The following AFDN variants were observed in gnomAD, a reference collection of about 807,000 sequenced individuals.
The protein encoded by AFDN is afadin.
AFDN carries 68 observed loss-of-function variants against 216.6 expected under a neutral mutation model. The ratio of observed to expected loss-of-function variants is 0.31; its 90% CI spans 0.26 to 0.38. The LOEUF is 0.38. Among genes scored for constraint, AFDN ranks in the 10% least tolerant of loss-of-function variants. The pLI is 1.00. For missense variants in AFDN, 2,136 were observed against 2,342.0 expected (o/e 0.91, Z 1.82); for synonymous variants, 868 against 853.7 (o/e 1.02, Z -0.29).
At chr6:167,946,255 A>G (rs1303415630) in intron 26 of AFDN, among the ~76,000 whole-genome samples, 1 of 152,226 alleles carries the variant, frequency 6.6e-6, no homozygotes, top group Non-Finnish European at 1.5e-5. Context: ...TAGATGATAA[A>G]CCAGGGTGAG....
rs886849305 is a variant in AFDN, at chr6:167,848,981, C to T, written c.106-15570C>T. On this transcript the variant is annotated intron_variant, in intron 1 of 33. Coordinates refer to ENST00000683244, the MANE Select transcript of AFDN (RefSeq NM_001386888.1). ...TATACAGCAGGATGAGACGCAGTGC[C>T]GCATAGTGGTTGAAAGTGACTTGTT... Among the ~76,000 whole-genome samples the T allele has an allele frequency of 5.9e-5, 9 of 152,230 alleles. 1 individual carries two copies. Among genetic ancestry groups the T allele is most frequent in the Middle Eastern group, 3.4e-3 (1 of 294 alleles).
intron 12 of AFDN, 55 bp downstream of exon 12, chr6:167,902,441 T>A: frequency 7.7e-7 from 1 of 1,293,184 alleles, no homozygotes; most frequent in Non-Finnish European, 1.1e-6. Context: ...ACACCATGGA[T>A]GAATACAGTA....
intron 1 of AFDN, among the ~76,000 whole-genome samples, chr6:167,850,577 A>G (rs956758812): frequency 5.9e-5 from 9 of 152,208 alleles, no homozygotes; most frequent in African/African-American, 2.2e-4. Context: ...ATGCTGATCT[A>G]CCAATGTTCA....
intron 19 of AFDN, among the ~76,000 whole-genome samples, chr6:167,916,415 A>G (rs1304894300): frequency 6.6e-6 from 1 of 152,216 alleles, no homozygotes; most frequent in Non-Finnish European, 1.5e-5. Flanking sequence ...TGGACTGTAA[A>G]TATCCTTAAA....
At position 167,868,963 on chromosome 6, in the gene AFDN, A is replaced by G. The variant is rs532121567; in HGVS notation, c.302-1423A>G. Among the ~76,000 whole-genome samples, 41 of 151,314 alleles carry G rather than the reference A, an allele frequency of 2.7e-4. 1 individual carries two copies. The highest frequency in any genetic ancestry group is 8.7e-4 in the African/African-American group (36 of 41,240). On this transcript the variant is annotated intron_variant, in intron 2 of 33. Transcript: ENST00000683244. ...TCTTCTTTTTTTTTTTTCTGTGGAA[A>G]TCGGATCTTGCCATGTTGCCCAGGC...
Position 167,880,481 on chromosome 6 carries a change from G to A in AFDN, c.861G>A (p.Leu287=), listed in dbSNP as rs1468347585. ...CTGAAGCTTTAGAGAAGTATGGTCT[G>A]GAAAAAGAAAACCCTAAGGATTACT... The part of the protein sequence containing the change: ...AVAEALEKYG[L]EKENPKDYCI... The change falls in exon 6 of 34, where the codon CTG becomes CTA. Residue 287 remains leucine, a synonymous_variant. Transcript: ENST00000683244. The A allele has an allele frequency of 6.2e-7, 1 of 1,613,660 alleles. No homozygotes were observed. Among genetic ancestry groups the A allele is most frequent in the East Asian group, 2.2e-5 (1 of 44,834 alleles).
Position 167,844,903 on chromosome 6 carries a change from A to T in AFDN, c.105+17666A>T, listed in dbSNP as rs569177584. On this transcript the variant is annotated intron_variant, in intron 1 of 33. Transcript: ENST00000683244. ...GAGACAGGGTCTCACTCTGTCACTC[A>T]GGCTGGAGTGCAGTGGCGCGATCAT... is the stretch of plus-strand genomic sequence containing the variant. Among the ~76,000 whole-genome samples, 3 of 136,622 alleles carry T rather than the reference A, an allele frequency of 2.2e-5. No homozygotes were observed. The South Asian group carries it at 6.8e-4, about 31-fold the overall frequency. The allele number at this position is 136,622 out of a possible 152,430, so 89.6% of individuals were successfully genotyped here.
intron 2 of AFDN, among the ~76,000 whole-genome samples, chr6:167,868,060 G>A (rs1176910955): frequency 1.3e-5 from 2 of 152,104 alleles, no homozygotes; most frequent in Non-Finnish European, 2.9e-5. Flanking sequence ...AACAACCTGT[G>A]CTTATCCTTT....
chr6:167,914,455 G>A lies in AFDN; in HGVS notation c.2204+142G>A, dbSNP rs539989377. On this transcript the variant is annotated intron_variant, in intron 17 of 33. Transcript: ENST00000683244. ...AAAGAAGCATACATTTTTGCAAAAT[G>A]TATTAACTACCTATAGTTATATCCT... 9.6e-6 allele frequency: 10 copies of A among 1,036,996 alleles called. No individual in the cohort carries two copies. The East Asian group carries it at 1.3e-4, about 13-fold the overall frequency. 64.2% of individuals were successfully genotyped at this position (1,036,996 alleles called of 1,614,324 possible).
intron 4 of AFDN, among the ~76,000 whole-genome samples, chr6:167,872,864 C>G (rs1266025920): frequency 6.6e-6 from 1 of 152,262 alleles, no homozygotes; most frequent in East Asian, 1.9e-4. Context: ...CACACCAGTT[C>G]CATTGTAGAT....
intron 6 of AFDN, among the ~76,000 whole-genome samples, chr6:167,882,241 A>G (rs1583268835): frequency 6.6e-6 from 1 of 152,250 alleles, no homozygotes; most frequent in African/African-American, 2.4e-5. Context: ...TAAGCGATAG[A>G]GGGGGGAAAA....
chr6:167,835,973 A>C (rs1298180230), intron 1 of AFDN, among the ~76,000 whole-genome samples: 1 of 152,212 alleles, frequency 6.6e-6, no homozygotes, highest in Non-Finnish European at 1.5e-5. Context: ...TAAAATGTAA[A>C]CATAGGGCTC....
In AFDN at chr6:167,951,649, G is replaced by C. The variant is rs1273374909; in HGVS notation, c.4295G>C (p.Arg1432Pro). The part of the protein sequence containing the change: ...HQRWYEKEKA[R>P]LEEERERKRR... The stretch of plus-strand genomic sequence containing the variant: ...CGTTGGTATGAGAAGGAGAAGGCCC[G>C]CCTGGAGGAGGAGCGGGAGAGGAAG... Residue 1432 changes from arginine to proline, a missense_variant, in exon 30 of 34, where the codon CGC (arginine) becomes CCC (proline). Arg to Pro is a moderately radical substitution (Grantham distance 103). Transcript: ENST00000683244. This position sits in a 1 kb window ranked among gnomAD's most constrained non-coding sequence, Gnocchi z 7.1. The C allele has an allele frequency of 6.2e-7, 1 of 1,613,946 alleles. No individual in the cohort carries two copies. Among genetic ancestry groups the C allele is most frequent in the Admixed American group, 1.7e-5 (1 of 59,988 alleles).
At chr6:167,890,718 G>A (rs908961353) in intron 7 of AFDN, 144 bp from the exon 8 acceptor site, 11 of 626,052 alleles carry the variant, frequency 1.8e-5, no homozygotes, top group Admixed American at 7.0e-5. Flanking sequence ...TATGAATTGG[G>A]TAAGCTGTAC....
intron 4 of AFDN, among the ~76,000 whole-genome samples, chr6:167,874,651 T>C (rs1785148690): frequency 6.6e-6 from 1 of 150,596 alleles, no homozygotes; most frequent in Middle Eastern, 3.2e-3. Flanking sequence ...GTTTTGCTCT[T>C]GTTGCCCAGG....
At chr6:167,923,119 T>C in intron 22 of AFDN, 160 bp downstream of exon 22, 7 of 554,320 alleles carry the variant, frequency 1.3e-5, no homozygotes, top group South Asian at 1.0e-4. Context: ...ATAATTCATA[T>C]ATATGTATTT....
chr6:167,925,733 A>G (rs998875061), intron 23 of AFDN, among the ~76,000 whole-genome samples: 3 of 152,212 alleles, frequency 2.0e-5, no homozygotes, highest in African/African-American at 7.2e-5. Context: ...TCTTTGAGTT[A>G]AAGAAATGAG....
In AFDN at chr6:167,889,217, T is replaced by C; in HGVS notation, c.900T>C (p.Val300=). 6.2e-7 allele frequency: 1 copy of C among 1,612,486 alleles called. No homozygotes were observed. Among genetic ancestry groups the C allele is most frequent in the South Asian group, 1.1e-5 (1 of 90,824 alleles). The part of the protein sequence containing the change: ...ENPKDYCIAR[V]MLPPGAQHSD... Reference sequence around the variant, plus strand: ...GTTAATTATTTTTGTTTTTTTAGGTTATGCTTCCTCCTGGAGCCCAGCATT... The same window carrying C: ...GTTAATTATTTTTGTTTTTTTAGGTCATGCTTCCTCCTGGAGCCCAGCATT... The change falls in exon 7 of 34, where the codon GTT becomes GTC. Residue 300 remains valine, a splice_region_variant and synonymous_variant. Coordinates refer to ENST00000683244, the MANE Select transcript of AFDN (RefSeq NM_001386888.1).
At chr6:167,920,696 T>C (rs1410417194) in intron 21 of AFDN, among the ~76,000 whole-genome samples, 1 of 152,222 alleles carries the variant, frequency 6.6e-6, no homozygotes, top group Non-Finnish European at 1.5e-5. Context: ...CCAGCCTTAC[T>C]TCTTCACCTT....
Sources: gnomAD v4.1 joint callset for allele counts (sites outside exome capture counted in the v4.1 genomes callset) on GRCh38, gnomAD v4.1.1 for gene constraint, Gnocchi (gnomAD v3.1) non-coding constraint, MANE v1.5 for transcripts, NCBI Gene and HGNC (gene_info 2026-07-23, HGNC 2026-07-21) for gene names.